USP46: variants seen among roughly 807,000 people sequenced by gnomAD.
The protein encoded by USP46 is ubiquitin specific peptidase 46, also known as ubiquitin carboxyl-terminal hydrolase 46.
USP46 carries 12 observed loss-of-function variants against 44.4 expected under a neutral mutation model. That is an observed-to-expected ratio of 0.27 (90% CI 0.17 to 0.44). USP46 has a LOEUF of 0.44. Among genes scored for constraint, USP46 ranks in the 20% least tolerant of loss-of-function variants. USP46 has a pLI of 1.00. For synonymous variants in USP46, 155 were observed against 161.5 expected (o/e 0.96, Z 0.31); for missense variants, 248 against 444.8 (o/e 0.56, Z 3.98).
chr4:52,592,812 C>T lies in USP46; in HGVS notation c.*4828G>A, dbSNP rs1716074265. ...TGAGATCTCATCACTGCACTCCAGC[C>T]TGGGTGACAGTGAGACTCCATCTTA... On this transcript the variant is annotated 3_prime_UTR_variant, in exon 9 of 9. Coordinates refer to ENST00000441222, the MANE Select transcript of USP46 (RefSeq NM_022832.4). 2.5e-6 allele frequency: 1 copy of T among 398,116 alleles called. No homozygotes were observed. The highest frequency in any genetic ancestry group is 4.4e-6 in the Non-Finnish European group (1 of 226,066). The allele number at this position is 398,116 out of a possible 1,614,324, so 24.7% of individuals were successfully genotyped here.
intron 5 of USP46, 81 bp downstream of exon 5, chr4:52,610,460 G>A (rs1216623493): frequency 1.6e-6 from 2 of 1,223,710 alleles, no homozygotes. Context: ...GGAAGATTAT[G>A]TCCTGAAGAA....
chr4:52,607,280 G>GT (rs1716723267), intron 5 of USP46, among the ~76,000 whole-genome samples: 2 of 152,158 alleles, frequency 1.3e-5, no homozygotes, highest in Non-Finnish European at 1.5e-5. Context: ...GAAAATGAAG[G>GT]TAAGTTAGGA....
Position 52,605,034 on chromosome 4 carries a change from G to A in USP46, c.639-450C>T, listed in dbSNP as rs540331684. 5.2e-4 allele frequency among the ~76,000 whole-genome samples: 79 copies of A among 152,250 alleles called. 1 individual carries two copies. Among genetic ancestry groups the A allele is most frequent in the African/African-American group, 1.8e-3 (75 of 41,544 alleles). Reference sequence around the variant, plus strand: ...AGAAAGTAAATCACATAACATGCAAGGTGACATTATTGTGTAGTTAATGAA... The same window carrying A: ...AGAAAGTAAATCACATAACATGCAAAGTGACATTATTGTGTAGTTAATGAA... On this transcript the variant is annotated intron_variant, in intron 5 of 8. Coordinates refer to ENST00000441222, the MANE Select transcript of USP46 (RefSeq NM_022832.4).
intron 6 of USP46, among the ~76,000 whole-genome samples, chr4:52,602,920 C>T (rs962481965): frequency 6.6e-6 from 1 of 152,198 alleles, no homozygotes; most frequent in East Asian, 1.9e-4. Flanking sequence ...ACAGTTTATG[C>T]AGAGTACACT....
chr4:52,607,259 G>C (rs1307462324), intron 5 of USP46, among the ~76,000 whole-genome samples: 1 of 152,180 alleles, frequency 6.6e-6, no homozygotes, highest in Non-Finnish European at 1.5e-5. Context: ...GCATCCATGA[G>C]TTGAGAATTA....
chr4:52,637,428 AG>A (rs1214761175), intron 1 of USP46, among the ~76,000 whole-genome samples: 1 of 152,224 alleles, frequency 6.6e-6, no homozygotes, highest in African/African-American at 2.4e-5. Context: ...CTTGTCTTAC[AG>A]GATCTCAAAA....
At position 52,631,136 on chromosome 4, in the gene USP46, A is replaced by G; in HGVS notation, c.45T>C (p.Asn15=). Residue 15 remains asparagine (N), a synonymous_variant, in exon 2 of 9, where the codon AAT becomes AAC. Transcript: ENST00000441222. The part of the protein sequence containing the change: ...NIASICNMGT[N]ASALEKDIGP... ...CAATGTCTTTTTCCAGAGCAGAGGC[A>G]TTGGTGCCCTAAAAGAGAAAAATAG... The G allele has an allele frequency of 6.4e-7, 1 of 1,558,700 alleles. No homozygotes were observed. The highest frequency in any genetic ancestry group is 8.7e-7 in the Non-Finnish European group (1 of 1,149,618).
chr4:52,638,830 T>C (rs1163969891), intron 1 of USP46, among the ~76,000 whole-genome samples: 1 of 152,000 alleles, frequency 6.6e-6, no homozygotes, highest in Admixed American at 6.6e-5. Flanking sequence ...GTAGCTTCCA[T>C]GTGCATGATA....
chr4:52,647,473 G>A (rs184002814), intron 1 of USP46, among the ~76,000 whole-genome samples: 12 of 152,142 alleles, frequency 7.9e-5, no homozygotes, highest in Non-Finnish European at 1.6e-4. Context: ...AAGAAACTGC[G>A]CTTAGCTACT....
chr4:52,604,766 A>T (rs771222455), intron 5 of USP46, among the ~76,000 whole-genome samples, 182 bp from the exon 6 acceptor site: 6 of 152,326 alleles, frequency 3.9e-5, no homozygotes, highest in South Asian at 4.1e-4. Flanking sequence ...AACAAAAATA[A>T]GCTAAGACTG....
chr4:52,657,334 G>T (rs1229394254), intron 1 of USP46, among the ~76,000 whole-genome samples: 1 of 152,106 alleles, frequency 6.6e-6, no homozygotes, highest in Non-Finnish European at 1.5e-5. Context: ...ATTCAGCCCA[G>T]GTGTGCCAGA....
chr4:52,651,118 GA>G (rs1319722828), intron 1 of USP46: 1 of 148,280 alleles, frequency 6.7e-6, no homozygotes, highest in Non-Finnish European at 1.5e-5. Context: ...AAGAAAGAAA[GA>G]GAAAAAAGAA....
At chr4:52,601,819 C>A in intron 7 of USP46, 38 bp downstream of exon 7, 1 of 1,598,120 alleles carries the variant, frequency 6.3e-7, no homozygotes. Context: ...GCAACCCTTA[C>A]ACTTACCCTG....
In USP46 at chr4:52,595,462, T is replaced by C. The variant is rs1716191552; in HGVS notation, c.*2178A>G. The C allele has an allele frequency of 6.6e-6, 1 of 152,588 alleles. No homozygotes were observed. Among genetic ancestry groups the C allele is most frequent in the Admixed American group, 6.5e-5 (1 of 15,290 alleles). 9.5% of individuals were successfully genotyped at this position (152,588 alleles called of 1,614,324 possible). Reference sequence around the variant, plus strand: ...CACCATACAACTGTTTTAATGTGTTTGCAATATTTTCTTATACTTACCCTT... The same window carrying C: ...CACCATACAACTGTTTTAATGTGTTCGCAATATTTTCTTATACTTACCCTT... On this transcript the variant is annotated 3_prime_UTR_variant, in exon 9 of 9. Transcript: ENST00000441222.
chr4:52,630,605 G>A (rs1161427228), intron 2 of USP46, among the ~76,000 whole-genome samples: 3 of 152,074 alleles, frequency 2.0e-5, no homozygotes, highest in African/African-American at 7.2e-5. Context: ...GGGCATGGTG[G>A]CGCATGCCTG....
chr4:52,602,203 C>T (rs1716498027), intron 6 of USP46, 149 bp from the exon 7 acceptor site: 4 of 857,882 alleles, frequency 4.7e-6, no homozygotes, highest in Middle Eastern at 3.0e-4. Context: ...TAAAAGTATG[C>T]TGGCATATAT....
intron 3 of USP46, among the ~76,000 whole-genome samples, chr4:52,626,645 A>T (rs1717599130): frequency 6.6e-6 from 1 of 152,168 alleles, no homozygotes; most frequent in Non-Finnish European, 1.5e-5. Context: ...TTTATATTGA[A>T]AGGATGGACA....
chr4:52,623,230 C>T (rs1717444881), intron 4 of USP46, among the ~76,000 whole-genome samples: 1 of 151,822 alleles, frequency 6.6e-6, no homozygotes, highest in Admixed American at 6.6e-5. Flanking sequence ...AGGAGTACAC[C>T]CTTATTAAAT....
At chr4:52,605,184 C>A (rs1716639672) in intron 5 of USP46, among the ~76,000 whole-genome samples, 1 of 152,212 alleles carries the variant, frequency 6.6e-6, no homozygotes, top group African/African-American at 2.4e-5. Flanking sequence ...CAGATGACCA[C>A]CTCCTACCAA....
Sources: allele counts gnomAD v4.1 joint callset (sites outside exome capture counted in the v4.1 genomes callset), GRCh38; gene constraint gnomAD v4.1.1; transcripts MANE v1.5; gene names NCBI Gene and HGNC (gene_info 2026-07-23, HGNC 2026-07-21).